The following THSD4 variants were observed in gnomAD, a reference collection of about 807,000 sequenced individuals.
THSD4 encodes the protein thrombospondin type-1 domain-containing protein 4.
In THSD4, 69 loss-of-function variants were observed where a neutral mutation model predicts 119.0. The ratio of observed to expected loss-of-function variants is 0.58; its 90% CI spans 0.48 to 0.71. THSD4 has a LOEUF of 0.71. Among genes scored for constraint, THSD4 ranks in the 30% least tolerant of loss-of-function variants. The pLI is 0.00. For missense variants in THSD4, 1,393 were observed against 1,391.1 expected (o/e 1.00, Z -0.02); for synonymous variants, 524 against 540.4 (o/e 0.97, Z 0.42).
chr15:71,598,211 A>G (rs1289556984), intron 7 of THSD4, among the ~76,000 whole-genome samples: 2 of 152,182 alleles, frequency 1.3e-5, no homozygotes, highest in Non-Finnish European at 2.9e-5. Context: ...GGTCAGGAAG[A>G]TGAGCAAGAA....
chr15:71,572,503 TG>T (rs35441853), intron 7 of THSD4, among the ~76,000 whole-genome samples: 2 of 152,268 alleles, frequency 1.3e-5, no homozygotes, highest in South Asian at 4.1e-4. Flanking sequence ...AGCCTGGCAC[TG>T]GGCTGGCTCT....
chr15:71,257,619 G>A (rs892626553), intron 6 of THSD4, among the ~76,000 whole-genome samples: 1 of 152,174 alleles, frequency 6.6e-6, no homozygotes, highest in Non-Finnish European at 1.5e-5. Flanking sequence ...ATAGTGAGTT[G>A]TGATGATTTT....
At chr15:71,519,728 G>A (rs902477008) in intron 7 of THSD4, among the ~76,000 whole-genome samples, 3 of 152,174 alleles carry the variant, frequency 2.0e-5, no homozygotes, top group African/African-American at 4.8e-5. Flanking sequence ...AGCAAGACAG[G>A]AAGTGGGAAA....
intron 6 of THSD4, among the ~76,000 whole-genome samples, chr15:71,396,609 T>C (rs2140477991): frequency 6.6e-6 from 1 of 152,314 alleles, no homozygotes; most frequent in African/African-American, 2.4e-5. Context: ...TCCGCTCAGA[T>C]AGTTAGACAT....
chr15:71,421,847 T>G (rs971253116), intron 7 of THSD4, among the ~76,000 whole-genome samples: 1 of 152,200 alleles, frequency 6.6e-6, no homozygotes, highest in African/African-American at 2.4e-5. Flanking sequence ...TAGGCATGCC[T>G]TATTCCTTTT....
intron 7 of THSD4, among the ~76,000 whole-genome samples, chr15:71,560,840 G>A (rs1485546521): frequency 1.3e-5 from 2 of 152,088 alleles, no homozygotes; most frequent in Non-Finnish European, 2.9e-5. Flanking sequence ...TAAACCCCTT[G>A]AATAGAGTTG....
intron 8 of THSD4, among the ~76,000 whole-genome samples, chr15:71,704,339 G>A (rs1567110156): frequency 6.6e-6 from 1 of 152,214 alleles, no homozygotes; most frequent in Non-Finnish European, 1.5e-5. Flanking sequence ...CACATGTCGT[G>A]GGAGGGTCCG....
chr15:71,772,943 T>C lies in THSD4; in HGVS notation c.2914+1735T>C, dbSNP rs187825128. ...AGTATCTTGGGCTGGATGCAATGGC[T>C]CACACCTGTAATTCCAGCACTTTGG... On this transcript the variant is annotated intron_variant, in intron 17 of 17. Coordinates refer to ENST00000261862, the MANE Select transcript of THSD4 (RefSeq NM_024817.3). Among the ~76,000 whole-genome samples, 889 of 152,224 alleles carry C rather than the reference T, an allele frequency of 5.8e-3. 10 individuals are homozygous for C. The highest frequency in any genetic ancestry group is 0.02 in the African/African-American group (851 of 41,556).
intron 7 of THSD4, among the ~76,000 whole-genome samples, chr15:71,616,621 G>A (rs922538865): frequency 6.6e-6 from 1 of 152,238 alleles, no homozygotes; most frequent in Admixed American, 6.5e-5. Context: ...CGACCAGTGG[G>A]TAGAAGTAGT....
Position 71,765,136 on chromosome 15 carries a change from C to T in THSD4, c.2706C>T (p.Pro902=). 6.2e-7 allele frequency: 1 copy of T among 1,614,212 alleles called. No homozygotes were observed. The highest frequency in any genetic ancestry group is 1.1e-5 in the South Asian group (1 of 91,088). ...PSECSFLEKP[P]SQQSCHLKPC... ...AATGTTCTTTCCTGGAGAAACCCCC[C>T]AGCCAGCAATCCTGCCACCTCAAGC... Residue 902 remains proline (P), a synonymous_variant, in exon 16 of 18, where the codon CCC becomes CCT. Transcript: ENST00000261862.
chr15:71,394,611 A>G (rs1169567791), intron 6 of THSD4, among the ~76,000 whole-genome samples: 1 of 152,144 alleles, frequency 6.6e-6, no homozygotes, highest in Non-Finnish European at 1.5e-5. Flanking sequence ...GAGCATGTGC[A>G]TAGGCTGGTG....
At chr15:71,123,014 G>C (rs2040420998) in intron 1 of THSD4, among the ~76,000 whole-genome samples, 1 of 152,200 alleles carries the variant, frequency 6.6e-6, no homozygotes, top group South Asian at 2.1e-4. Context: ...CTTGTTTTCT[G>C]CCTACCCTTC....
chr15:71,399,091 G>T (rs2046488453), intron 6 of THSD4, among the ~76,000 whole-genome samples: 4 of 152,026 alleles, frequency 2.6e-5, no homozygotes. Flanking sequence ...GGGAAGCTCT[G>T]CTTGGAGTAT....
chr15:71,752,979 A>G (rs2053475967), intron 14 of THSD4, among the ~76,000 whole-genome samples: 1 of 152,252 alleles, frequency 6.6e-6, no homozygotes, highest in African/African-American at 2.4e-5. Flanking sequence ...AGCACCTGTT[A>G]CATGCCAGTC....
chr15:71,128,214 G>C (rs1198931230), intron 1 of THSD4, among the ~76,000 whole-genome samples: 1 of 147,820 alleles, frequency 6.8e-6, no homozygotes, highest in Non-Finnish European at 1.5e-5. Context: ...AAATAGACTG[G>C]GAAAGAAGAA....
intron 3 of THSD4, among the ~76,000 whole-genome samples, chr15:71,193,797 T>A (rs990416775): frequency 2.0e-5 from 3 of 152,136 alleles, no homozygotes; most frequent in African/African-American, 7.2e-5. Context: ...AAGCTCCGCC[T>A]CCCGGGTTCA....
chr15:71,269,646 G>C (rs1307837433), intron 6 of THSD4, among the ~76,000 whole-genome samples: 2 of 152,234 alleles, frequency 1.3e-5, no homozygotes, highest in African/African-American at 4.8e-5. Flanking sequence ...AATAGGAAGA[G>C]AGGATGTCAA....
intron 7 of THSD4, among the ~76,000 whole-genome samples, chr15:71,540,935 C>A (rs2140837560): frequency 6.6e-6 from 1 of 152,192 alleles, no homozygotes; most frequent in East Asian, 1.9e-4. Context: ...GTTGGCCAGG[C>A]TGGTCTCGAA....
intron 3 of THSD4, among the ~76,000 whole-genome samples, chr15:71,207,164 CT>C (rs1368708645): frequency 2.0e-5 from 3 of 152,150 alleles, no homozygotes; most frequent in South Asian, 2.1e-4. Context: ...GTTCATTTCC[CT>C]TAAAAAGGCT....
Sources: allele counts gnomAD v4.1 joint callset (sites outside exome capture counted in the v4.1 genomes callset), GRCh38; gene constraint gnomAD v4.1.1; transcripts MANE v1.5; gene names NCBI Gene and HGNC (gene_info 2026-07-23, HGNC 2026-07-21).